Variants in FGF2 observed in about 807,000 individuals in gnomAD.
FGF2 encodes fibroblast growth factor 2.
FGF2 carries 13 observed loss-of-function variants against 15.9 expected under a neutral mutation model. The ratio of observed to expected loss-of-function variants is 0.82; its 90% CI spans 0.53 to 1.30. The LOEUF (loss-of-function observed/expected upper bound fraction) is 1.30, where lower values mean the gene tolerates loss of function less well. FGF2 is among the 50% of genes most tolerant of loss of function. The pLI is 0.00. For synonymous variants in FGF2, 90 were observed against 78.4 expected, an observed-to-expected ratio of 1.15 and a Z score of -0.78; for missense variants, 163 against 196.9, an observed-to-expected ratio of 0.83 and a Z score of 1.03.
intron 1 of FGF2, among the ~76,000 whole-genome samples, chr4:122,854,937 C>T (rs1726310435): frequency 6.6e-6 from 1 of 152,122 alleles, no homozygotes; most frequent in Admixed American, 6.6e-5. Context: ...GGGCAGCTTC[C>T]CTTCCCCACC....
chr4:122,857,504 C>G (rs1419263436), intron 1 of FGF2, among the ~76,000 whole-genome samples: 1 of 152,178 alleles, frequency 6.6e-6, no homozygotes, highest in African/African-American at 2.4e-5. Context: ...GATGGTGTCA[C>G]TATAGAAATA....
At chr4:122,854,355 T>C (rs901600768) in intron 1 of FGF2, among the ~76,000 whole-genome samples, 2 of 152,168 alleles carry the variant, frequency 1.3e-5, no homozygotes, top group Admixed American at 6.5e-5. Flanking sequence ...GCAATCAAGA[T>C]TGTGTAAGGA....
At chr4:122,872,384 C>T (rs1025546839) in intron 1 of FGF2, among the ~76,000 whole-genome samples, 3 of 151,818 alleles carry the variant, frequency 2.0e-5, no homozygotes, top group Non-Finnish European at 4.4e-5. Flanking sequence ...ATAAAAAGAC[C>T]GAACCTACTA....
Position 122,894,770 on chromosome 4 carries a change from G to A in FGF2, c.*2374G>A, listed in dbSNP as rs886977351. The A allele has an allele frequency of 6.6e-6, 1 of 151,894 alleles. No individual in the cohort carries two copies. The highest frequency in any genetic ancestry group is 1.5e-5 in the Non-Finnish European group (1 of 67,978). 9.4% of individuals were successfully genotyped at this position (151,894 alleles called of 1,614,324 possible). ...GAAAAATAATTATGGGGAAATACAT[G>A]TTTGTTATTAAATTTATTATTAAAG... On this transcript the variant is annotated 3_prime_UTR_variant, in exon 3 of 3. Coordinates refer to ENST00000644866, the MANE Select transcript of FGF2 (RefSeq NM_001361665.2).
At chr4:122,846,179 C>T (rs1181854036) in intron 1 of FGF2, among the ~76,000 whole-genome samples, 1 of 152,098 alleles carries the variant, frequency 6.6e-6, no homozygotes, top group Non-Finnish European at 1.5e-5. Flanking sequence ...AGTTTGCTGT[C>T]TTATATGGGT....
chr4:122,849,415 C>T (rs1437357480), intron 1 of FGF2, among the ~76,000 whole-genome samples: 2 of 151,662 alleles, frequency 1.3e-5, no homozygotes, highest in Non-Finnish European at 2.9e-5. Flanking sequence ...AACACATGGA[C>T]ACAGGGAAGG....
At chr4:122,865,765 TGAAAA>T (rs1263983233) in intron 1 of FGF2, among the ~76,000 whole-genome samples, 5 of 152,232 alleles carry the variant, frequency 3.3e-5, no homozygotes, top group Non-Finnish European at 7.3e-5. Flanking sequence ...TATGTGCCCT[TGAAAA>T]GAATGTAGAT....
chr4:122,862,280 C>T (rs1221146340), intron 1 of FGF2, among the ~76,000 whole-genome samples: 2 of 152,156 alleles, frequency 1.3e-5, no homozygotes, highest in Admixed American at 6.5e-5. Flanking sequence ...TATCAGCTTC[C>T]TTATTTCTAA....
At position 122,852,532 on chromosome 4, in the gene FGF2, G is replaced by A. The variant is rs79714728; in HGVS notation, c.179-23789G>A. Among the ~76,000 whole-genome samples the A allele has an allele frequency of 3.2e-3, 495 of 152,358 alleles. 2 individuals are homozygous for A. Among genetic ancestry groups the A allele is most frequent in the African/African-American group, 0.011 (454 of 41,576 alleles). ...ACAGAAGATATAAATATCAGGTGGTGTGGTACATTGGAGCCACCAAAATAA... is the reference window on the plus strand; with the variant it reads ...ACAGAAGATATAAATATCAGGTGGTATGGTACATTGGAGCCACCAAAATAA... On this transcript the variant is annotated intron_variant, in intron 1 of 2. Transcript: ENST00000644866.
chr4:122,882,920 T>C (rs1726989009), intron 2 of FGF2: 2 of 152,194 alleles, frequency 1.3e-5, no homozygotes, highest in African/African-American at 4.8e-5. Context: ...ACACCAAAGA[T>C]ATGGTGTTGG....
chr4:122,847,295 G>T (rs1398939088), intron 1 of FGF2, among the ~76,000 whole-genome samples: 1 of 152,144 alleles, frequency 6.6e-6, no homozygotes, highest in Non-Finnish European at 1.5e-5. Flanking sequence ...ACAATGACTT[G>T]GGAGAGACAG....
At chr4:122,844,796 C>A (rs963578958) in intron 1 of FGF2, among the ~76,000 whole-genome samples, 4 of 151,896 alleles carry the variant, frequency 2.6e-5, no homozygotes, top group African/African-American at 4.8e-5. Context: ...ACCACCACAC[C>A]CAGCTATTTT....
At chr4:122,846,243 C>A (rs1366012798) in intron 1 of FGF2, among the ~76,000 whole-genome samples, 1 of 152,108 alleles carries the variant, frequency 6.6e-6, no homozygotes, top group Non-Finnish European at 1.5e-5. Context: ...GATTACTGAT[C>A]ACAGATCACC....
At chr4:122,861,021 C>T (rs1026127514) in intron 1 of FGF2, among the ~76,000 whole-genome samples, 3 of 151,960 alleles carry the variant, frequency 2.0e-5, no homozygotes, top group Non-Finnish European at 2.9e-5. Context: ...TGTGCATATA[C>T]GTATCTTCCT....
intron 1 of FGF2, among the ~76,000 whole-genome samples, chr4:122,842,671 A>G (rs1726014240): frequency 6.6e-6 from 1 of 152,184 alleles, no homozygotes; most frequent in South Asian, 2.1e-4. Context: ...TGTGGTAACT[A>G]TGTTGGGTCT....
At chr4:122,884,094 G>C (rs2150788105) in intron 2 of FGF2, among the ~76,000 whole-genome samples, 1 of 152,252 alleles carries the variant, frequency 6.6e-6, no homozygotes, top group South Asian at 2.1e-4. Flanking sequence ...CTTTTTAAGA[G>C]ATAAAATACT....
intron 1 of FGF2, among the ~76,000 whole-genome samples, chr4:122,867,003 A>G (rs949728979): frequency 6.6e-6 from 1 of 152,234 alleles, no homozygotes; most frequent in Non-Finnish European, 1.5e-5. Flanking sequence ...ATAAAAAGTA[A>G]TGAAGTACTG....
At chr4:122,837,884 C>CT (rs1004862768) in intron 1 of FGF2, among the ~76,000 whole-genome samples, 1 of 151,930 alleles carries the variant, frequency 6.6e-6, no homozygotes, top group Non-Finnish European at 1.5e-5. Flanking sequence ...TCCTTATCTT[C>CT]TTTGGGGTAA....
intron 2 of FGF2, among the ~76,000 whole-genome samples, chr4:122,887,640 A>G (rs1241065819): frequency 6.6e-6 from 1 of 152,170 alleles, no homozygotes; most frequent in Non-Finnish European, 1.5e-5. Flanking sequence ...TACTCCCTAC[A>G]AGGGGTCAAA....
Sources: gnomAD v4.1 joint callset for allele counts (sites outside exome capture counted in the v4.1 genomes callset) on GRCh38, gnomAD v4.1.1 for gene constraint, MANE v1.5 for transcripts, NCBI Gene and HGNC (gene_info 2026-07-23, HGNC 2026-07-21) for gene names.